Variants in THSD7A observed in about 807,000 individuals in gnomAD.
THSD7A encodes the protein thrombospondin type 1 domain containing 7A.
Under a neutral mutation model 231.3 loss-of-function variants are expected in THSD7A, and 96 were observed. The ratio of observed to expected loss-of-function variants is 0.41; its 90% CI spans 0.35 to 0.49. THSD7A has a LOEUF of 0.49. THSD7A is among the 20% of genes least tolerant of loss of function. The pLI is 0.05. For missense variants in THSD7A, 2,290 were observed against 2,070.2 expected (o/e 1.11, Z -2.06); for synonymous variants, 940 against 743.3 (o/e 1.26, Z -4.30).
intron 4 of THSD7A, among the ~76,000 whole-genome samples, chr7:11,567,674 C>T (rs922772827): frequency 6.6e-6 from 1 of 152,148 alleles, no homozygotes; most frequent in African/African-American, 2.4e-5. Flanking sequence ...AAGGCCTGAG[C>T]TGCAGGATAT....
At chr7:11,696,757 A>G (rs1443088552) in intron 1 of THSD7A, among the ~76,000 whole-genome samples, 1 of 151,466 alleles carries the variant, frequency 6.6e-6, no homozygotes, top group African/African-American at 2.4e-5. Context: ...ATGTCAAACC[A>G]GGGTGTTCCT....
At chr7:11,610,370 T>C (rs1054808518) in intron 2 of THSD7A, among the ~76,000 whole-genome samples, 1 of 152,090 alleles carries the variant, frequency 6.6e-6, no homozygotes, top group African/African-American at 2.4e-5. Context: ...TGTACATTCA[T>C]TTGATAAGCA....
chr7:11,821,531 A>T (rs936039607), intron 1 of THSD7A, among the ~76,000 whole-genome samples: 1 of 152,144 alleles, frequency 6.6e-6, no homozygotes, highest in African/African-American at 2.4e-5. Context: ...AAAGAAAAAA[A>T]ATAATAATTT....
intron 1 of THSD7A, among the ~76,000 whole-genome samples, chr7:11,775,563 G>A (rs1783374977): frequency 6.6e-6 from 1 of 152,148 alleles, no homozygotes; most frequent in Admixed American, 6.5e-5. Flanking sequence ...ATTATGCTAA[G>A]TGAAATAAAT....
Position 11,406,355 on chromosome 7 carries a change from A to G in THSD7A, c.4182T>C (p.Ile1394=). The G allele has an allele frequency of 6.2e-7, 1 of 1,613,902 alleles. No homozygotes were observed. Among genetic ancestry groups the G allele is most frequent in the Non-Finnish European group, 8.5e-7 (1 of 1,179,824 alleles). The change falls in exon 22 of 28, where the codon ATT becomes ATC. Residue 1394 remains isoleucine, a synonymous_variant. Transcript: ENST00000423059. The surrounding 1 kb of genome is among the most constrained non-coding windows in gnomAD (Gnocchi z 4.7). ...DEEFCADIEL[I]IDGNKNMVLE... is the part of the protein sequence containing the mutation. ...GAACCATATTTTTATTACCATCTATAATGAGTTCAATGTCAGCACAGAATT... is the reference window on the plus strand; with the variant it reads ...GAACCATATTTTTATTACCATCTATGATGAGTTCAATGTCAGCACAGAATT...
chr7:11,669,686 T>C (rs1279487398), intron 1 of THSD7A, among the ~76,000 whole-genome samples: 1 of 151,872 alleles, frequency 6.6e-6, no homozygotes, highest in Non-Finnish European at 1.5e-5. Flanking sequence ...AAATTATTAA[T>C]AAATTAATAA....
At chr7:11,666,335 C>A (rs1783130048) in intron 1 of THSD7A, among the ~76,000 whole-genome samples, 1 of 151,856 alleles carries the variant, frequency 6.6e-6, no homozygotes, top group South Asian at 2.1e-4. Flanking sequence ...TAATTTTAAA[C>A]AACATTTTGA....
chr7:11,485,964 T>C (rs78593472), intron 6 of THSD7A, among the ~76,000 whole-genome samples: 2,285 of 152,326 alleles, frequency 0.015, 63 homozygotes, highest in African/African-American at 0.052. Context: ...TCAACTCAGC[T>C]AATTGGAACC....
chr7:11,685,491 T>C (rs1780010560), intron 1 of THSD7A, among the ~76,000 whole-genome samples: 1 of 151,918 alleles, frequency 6.6e-6, no homozygotes, highest in Non-Finnish European at 1.5e-5. Flanking sequence ...AAAGGCCTAA[T>C]ATCCAGAGTC....
chr7:11,718,335 T>C (rs929323560), intron 1 of THSD7A, among the ~76,000 whole-genome samples: 1 of 151,680 alleles, frequency 6.6e-6, no homozygotes, highest in Non-Finnish European at 1.5e-5. Flanking sequence ...TCTACATAGA[T>C]ACATATACAT....
At position 11,370,475 on chromosome 7, in the gene THSD7A, T is replaced by A. The variant is rs1473362827; in HGVS notation, c.*5319A>T. The A allele has an allele frequency of 6.6e-6, 1 of 152,176 alleles. No homozygotes were observed. The highest frequency in any genetic ancestry group is 6.5e-5 in the Admixed American group (1 of 15,272). 9.4% of individuals were successfully genotyped at this position (152,176 alleles called of 1,614,324 possible). The stretch of plus-strand genomic sequence containing the variant: ...TTTCCGTATTTATGTTTGTCAGCAA[T>A]ATAGTTATTTACAAATAACCCATAT... On this transcript the variant is annotated 3_prime_UTR_variant, in exon 28 of 28. Coordinates refer to ENST00000423059, the MANE Select transcript of THSD7A (RefSeq NM_015204.3).
Position 11,406,029 on chromosome 7 carries a change from T to G in THSD7A, c.4237+271A>C, listed in dbSNP as rs1191881344. On this transcript the variant is annotated intron_variant, in intron 22 of 27. Transcript: ENST00000423059. The surrounding 1 kb of genome is among the most constrained non-coding windows in gnomAD (Gnocchi z 4.7). ...TATTTCATAACTTTTCTGTGGAGCATGGGCTTAAGGCCTTAAATACCATCT... is the reference window on the plus strand; with the variant it reads ...TATTTCATAACTTTTCTGTGGAGCAGGGGCTTAAGGCCTTAAATACCATCT... 6.6e-6 allele frequency among the ~76,000 whole-genome samples: 1 copy of G among 152,170 alleles called. No individual in the cohort carries two copies. Among genetic ancestry groups the G allele is most frequent in the African/African-American group, 2.4e-5 (1 of 41,448 alleles).
intron 4 of THSD7A, among the ~76,000 whole-genome samples, chr7:11,544,073 G>A (rs1009516490): frequency 3.9e-5 from 6 of 152,152 alleles, no homozygotes; most frequent in Non-Finnish European, 7.3e-5. Flanking sequence ...GCCAGGCACG[G>A]TGGTTCATGC....
At chr7:11,597,086 T>A (rs1434790814) in intron 2 of THSD7A, among the ~76,000 whole-genome samples, 1 of 152,230 alleles carries the variant, frequency 6.6e-6, no homozygotes, top group Admixed American at 6.5e-5. Context: ...TTAGATCCAG[T>A]GAGATCTAGT....
At position 11,636,478 on chromosome 7, in the gene THSD7A, G is replaced by C. The variant is rs754940123; in HGVS notation, c.674C>G (p.Pro225Arg). Residue 225 changes from proline (P) to arginine (R), a missense_variant, in exon 2 of 28, where the codon CCG (proline) becomes CGG (arginine). Pro to Arg is a moderately radical substitution (Grantham distance 103, BLOSUM62 -2). Transcript: ENST00000423059. This position sits in a 1 kb window ranked among gnomAD's most constrained non-coding sequence, Gnocchi z 10.0. ...QHRTRHVVAP[P>R]QFGGSGCPNL... ...TGGACAGCCAGAGCCTCCGAACTGC[G>C]GGGGCGCCACCACATGACGCGTCCG... 2 of 1,613,582 alleles carry C rather than the reference G, an allele frequency of 1.2e-6. No homozygotes were observed. The highest frequency in any genetic ancestry group is 1.1e-5 in the South Asian group (1 of 91,080).
At chr7:11,672,812 A>T (rs1382112830) in intron 1 of THSD7A, among the ~76,000 whole-genome samples, 1 of 152,170 alleles carries the variant, frequency 6.6e-6, no homozygotes, top group African/African-American at 2.4e-5. Flanking sequence ...CTTTTTTTCA[A>T]AATCTATTTC....
At chr7:11,635,960 G>T (rs1365830590) in intron 2 of THSD7A, among the ~76,000 whole-genome samples, 170 bp downstream of exon 2, 1 of 151,810 alleles carries the variant, frequency 6.6e-6, no homozygotes, top group East Asian at 1.9e-4. Flanking sequence ...GGACACAATA[G>T]AAACAACACC....
intron 19 of THSD7A, among the ~76,000 whole-genome samples, chr7:11,410,806 C>T (rs1027899371): frequency 6.6e-6 from 1 of 151,988 alleles, no homozygotes; most frequent in East Asian, 1.9e-4. Flanking sequence ...TGCTATGAAA[C>T]CACATGTGAT....
intron 6 of THSD7A, among the ~76,000 whole-genome samples, chr7:11,533,878 T>C (rs1421797886): frequency 1.3e-5 from 2 of 152,176 alleles, no homozygotes; most frequent in Admixed American, 6.5e-5. Flanking sequence ...ACTTGTATCT[T>C]GGGACTTAAA....
Sources: gnomAD v4.1 joint callset for allele counts (sites outside exome capture counted in the v4.1 genomes callset) on GRCh38, gnomAD v4.1.1 for gene constraint, Gnocchi (gnomAD v3.1) non-coding constraint, MANE v1.5 for transcripts, NCBI Gene and HGNC (gene_info 2026-07-23, HGNC 2026-07-21) for gene names.